Variants in ADAMTS20 observed in about 807,000 individuals in gnomAD.
ADAMTS20 encodes the protein ADAM metallopeptidase with thrombospondin type 1 motif 20, also known as A disintegrin and metalloproteinase with thrombospondin motifs 20.
Under a neutral mutation model 260.1 loss-of-function variants are expected in ADAMTS20, and 225 were observed. The observed-to-expected ratio is 0.87, with a 90% CI of 0.78 to 0.97. ADAMTS20 has a LOEUF of 0.97. Ranked by LOEUF, ADAMTS20 falls within the 50% of genes least tolerant of loss-of-function variation. ADAMTS20 has a pLI of 0.00. For missense variants in ADAMTS20, 2,400 were observed against 2,337.7 expected (o/e 1.03, Z -0.55); for synonymous variants, 802 against 769.5 (o/e 1.04, Z -0.70).
Position 43,453,980 on chromosome 12 carries a change from C to G in ADAMTS20, c.1687G>C (p.Glu563Gln). The G allele has an allele frequency of 1.2e-6, 2 of 1,613,576 alleles. No homozygotes were observed. The highest frequency in any genetic ancestry group is 1.7e-6 in the Non-Finnish European group (2 of 1,179,744). Residue 563 changes from glutamate (E) to glutamine (Q), a missense_variant, in exon 12 of 39, where the codon GAA (glutamate) becomes CAA (glutamine). Physicochemically the swap from Glu to Gln is conservative, Grantham distance 29. Transcript: ENST00000389420. ...GTTCTTGAACAAGAACTGTAAGGTT[C>G]CCATGGTCCCCATTCACCATTTACA... The part of the protein sequence containing the change: ...RPVNGEWGPW[E>Q]PYSSCSRTCG...
chr12:43,485,731 C>G (rs534671303), intron 7 of ADAMTS20, among the ~76,000 whole-genome samples: 13 of 152,094 alleles, frequency 8.5e-5, no homozygotes, highest in African/African-American at 2.9e-4. Flanking sequence ...GTCTTAGGTT[C>G]CCAAATCAAC....
chr12:43,509,898 C>T (rs543967558), intron 3 of ADAMTS20, among the ~76,000 whole-genome samples: 1 of 152,056 alleles, frequency 6.6e-6, no homozygotes, highest in Middle Eastern at 3.4e-3. Context: ...GTAATACTAG[C>T]TAAAGCAATA....
chr12:43,481,812 C>T (rs1437376137), intron 7 of ADAMTS20, among the ~76,000 whole-genome samples: 1 of 152,092 alleles, frequency 6.6e-6, no homozygotes, highest in Non-Finnish European at 1.5e-5. Flanking sequence ...GCGTGTGGAA[C>T]TCACACTGTG....
At chr12:43,435,652 A>AG (rs1460964396) in intron 18 of ADAMTS20, among the ~76,000 whole-genome samples, 1 of 144,922 alleles carries the variant, frequency 6.9e-6, no homozygotes, top group Non-Finnish European at 1.5e-5. Flanking sequence ...AAAAAAAAAA[A>AG]AAAAACAAAA....
chr12:43,431,578 A>G (rs879817168), intron 21 of ADAMTS20, 82 bp from the exon 22 acceptor site: 8 of 1,484,872 alleles, frequency 5.4e-6, no homozygotes, highest in Non-Finnish European at 7.5e-6. Flanking sequence ...ATCAATTTGC[A>G]TATAGAAATA....
At chr12:43,392,288 T>C (rs1449290760) in intron 29 of ADAMTS20, among the ~76,000 whole-genome samples, 2 of 152,104 alleles carry the variant, frequency 1.3e-5, no homozygotes, top group Non-Finnish European at 2.9e-5. Context: ...TTGGAAAACA[T>C]CCTGCCTCTA....
At chr12:43,517,382 A>G (rs2137474700) in intron 3 of ADAMTS20, among the ~76,000 whole-genome samples, 1 of 152,198 alleles carries the variant, frequency 6.6e-6, no homozygotes, top group Non-Finnish European at 1.5e-5. Context: ...AAATGCTTGC[A>G]TTTTTATATA....
At chr12:43,411,291 A>C (rs575508361) in intron 28 of ADAMTS20, among the ~76,000 whole-genome samples, 61 of 152,262 alleles carry the variant, frequency 4.0e-4, no homozygotes, top group Admixed American at 3.4e-3. Flanking sequence ...TGAAACCTTT[A>C]AGTTTTCCCC....
chr12:43,361,656 G>A (rs1303090459), intron 37 of ADAMTS20, among the ~76,000 whole-genome samples: 1 of 151,860 alleles, frequency 6.6e-6, no homozygotes, highest in African/African-American at 2.4e-5. Context: ...GATCTTATAG[G>A]GAAAAAAGAG....
intron 2 of ADAMTS20, among the ~76,000 whole-genome samples, chr12:43,544,584 G>A (rs1943418324): frequency 6.6e-6 from 1 of 152,170 alleles, no homozygotes; most frequent in Admixed American, 6.5e-5. Flanking sequence ...GAAGATCAGG[G>A]GAAAAGGAAG....
intron 11 of ADAMTS20, among the ~76,000 whole-genome samples, chr12:43,454,946 A>T (rs776295072): frequency 1.3e-5 from 2 of 152,222 alleles, no homozygotes; most frequent in Non-Finnish European, 2.9e-5. Flanking sequence ...ATATTTAAGC[A>T]TATAGTTCAA....
intron 24 of ADAMTS20, among the ~76,000 whole-genome samples, chr12:43,429,061 A>G (rs1422941230): frequency 2.6e-5 from 4 of 152,110 alleles, no homozygotes; most frequent in Non-Finnish European, 5.9e-5. Flanking sequence ...AATAATGCTT[A>G]GTTATTTGCT....
At chr12:43,421,220 T>G (rs1205416746) in intron 28 of ADAMTS20, among the ~76,000 whole-genome samples, 1 of 135,206 alleles carries the variant, frequency 7.4e-6, no homozygotes, top group Non-Finnish European at 1.5e-5. Flanking sequence ...GACATTTTTT[T>G]TAAGAAGAAA....
chr12:43,534,584 T>A (rs558458795), intron 2 of ADAMTS20, among the ~76,000 whole-genome samples: 1 of 152,160 alleles, frequency 6.6e-6, no homozygotes, highest in Non-Finnish European at 1.5e-5. Context: ...AGTCCATTGA[T>A]AGAGTCTGTT....
intron 16 of ADAMTS20, among the ~76,000 whole-genome samples, chr12:43,441,925 G>A (rs1325486688): frequency 6.6e-6 from 1 of 152,008 alleles, no homozygotes. Context: ...TATGTATTAC[G>A]CTGAATTCAG....
At chr12:43,524,032 C>T (rs144182699) in intron 3 of ADAMTS20, among the ~76,000 whole-genome samples, 3 of 151,678 alleles carry the variant, frequency 2.0e-5, no homozygotes, top group Non-Finnish European at 2.9e-5. Context: ...CAAGCACCAC[C>T]TCCTGGCTAG....
intron 36 of ADAMTS20, among the ~76,000 whole-genome samples, chr12:43,373,164 G>C (rs936745251): frequency 1.3e-5 from 2 of 152,172 alleles, no homozygotes; most frequent in Admixed American, 6.5e-5. Context: ...ATCAAGGCTG[G>C]ATTTTTACCA....
chr12:43,406,157 C>T (rs1414646466), intron 28 of ADAMTS20, among the ~76,000 whole-genome samples: 2 of 151,558 alleles, frequency 1.3e-5, no homozygotes, highest in Non-Finnish European at 2.9e-5. Flanking sequence ...TTTCTTTAAA[C>T]ATCCACATAT....
intron 4 of ADAMTS20, among the ~76,000 whole-genome samples, chr12:43,497,654 T>A (rs1942696308): frequency 6.6e-6 from 1 of 152,128 alleles, no homozygotes; most frequent in Non-Finnish European, 1.5e-5. Flanking sequence ...TTTATTTTAA[T>A]ATAGTTAAAA....
Sources: gnomAD v4.1 joint callset for allele counts (sites outside exome capture counted in the v4.1 genomes callset) on GRCh38, gnomAD v4.1.1 for gene constraint, MANE v1.5 for transcripts, NCBI Gene and HGNC (gene_info 2026-07-23, HGNC 2026-07-21) for gene names.